TMTC1: variants seen among roughly 807,000 people sequenced by gnomAD.
The protein encoded by TMTC1 is transmembrane O-mannosyltransferase targeting cadherins 1, also known as protein O-mannosyl-transferase TMTC1.
Under a neutral mutation model 104.8 loss-of-function variants are expected in TMTC1, and 73 were observed. That is an observed-to-expected ratio of 0.70 (90% confidence interval 0.58 to 0.85). TMTC1 has a LOEUF of 0.85. Ranked by LOEUF, TMTC1 falls within the 40% of genes least tolerant of loss-of-function variation. TMTC1 has a pLI of 0.00. For synonymous variants in TMTC1, 434 were observed against 428.7 expected, an observed-to-expected ratio of 1.01 and a Z score of -0.15; for missense variants, 1,035 against 1,096.1, an observed-to-expected ratio of 0.94 and a Z score of 0.79.
chr12:29,763,905 A>G (rs759398196), intron 2 of TMTC1, among the ~76,000 whole-genome samples: 8 of 152,212 alleles, frequency 5.3e-5, no homozygotes, highest in Admixed American at 4.6e-4. Flanking sequence ...GATGAAGAGC[A>G]TGGAGTAAAT....
Position 29,686,253 on chromosome 12 carries a change from T to C in TMTC1, c.939-52917A>G, listed in dbSNP as rs145179621. ...TCTGCAGCTCTTCTGTGGCTTTTCT[T>C]CCATCTACCCCTAATACTGAAACTC... On this transcript the variant is annotated intron_variant, in intron 5 of 17. Coordinates refer to ENST00000539277, the MANE Select transcript of TMTC1 (RefSeq NM_001193451.2). 4.1e-3 allele frequency among the ~76,000 whole-genome samples: 623 copies of C among 152,312 alleles called. 5 individuals are homozygous for C. The highest frequency in any genetic ancestry group is 9.5e-3 in the South Asian group (46 of 4,826).
intron 5 of TMTC1, among the ~76,000 whole-genome samples, chr12:29,701,635 C>T (rs557284284): frequency 1.3e-5 from 2 of 152,320 alleles, no homozygotes; most frequent in South Asian, 2.1e-4. Context: ...TCTAATCCCA[C>T]CTTGTGTCAG....
At chr12:29,675,453 T>A (rs561560009) in intron 5 of TMTC1, among the ~76,000 whole-genome samples, 1 of 152,178 alleles carries the variant, frequency 6.6e-6, no homozygotes, top group African/African-American at 2.4e-5. Flanking sequence ...ACTGGGACAA[T>A]CCTGGAAAAA....
intron 1 of TMTC1, among the ~76,000 whole-genome samples, chr12:29,773,260 G>T (rs1417175484): frequency 1.3e-5 from 2 of 152,114 alleles, no homozygotes; most frequent in African/African-American, 4.8e-5. Context: ...AGGGTATGGG[G>T]TCACAAAATC....
At chr12:29,762,785 G>GTGA (rs1943382711) in intron 2 of TMTC1, among the ~76,000 whole-genome samples, 4 of 152,240 alleles carry the variant, frequency 2.6e-5, no homozygotes, top group Admixed American at 2.6e-4. Flanking sequence ...GACGAATGCA[G>GTGA]TGACAGTGTG....
chr12:29,743,991 T>C (rs1476094787), intron 5 of TMTC1, among the ~76,000 whole-genome samples: 4 of 152,132 alleles, frequency 2.6e-5, no homozygotes, highest in African/African-American at 9.7e-5. Flanking sequence ...TTCCATATGG[T>C]GTCTGCTGAG....
intron 1 of TMTC1, among the ~76,000 whole-genome samples, chr12:29,770,747 A>G (rs1943576705): frequency 6.6e-6 from 1 of 152,202 alleles, no homozygotes; most frequent in Non-Finnish European, 1.5e-5. Context: ...ATATCTAAAA[A>G]GATGGAGAGT....
At chr12:29,772,863 T>C (rs1943625808) in intron 1 of TMTC1, among the ~76,000 whole-genome samples, 1 of 152,174 alleles carries the variant, frequency 6.6e-6, no homozygotes, top group Admixed American at 6.5e-5. Flanking sequence ...TCATACACTA[T>C]AGGAAACTAA....
chr12:29,515,143 T>C (rs1163986035), intron 15 of TMTC1, among the ~76,000 whole-genome samples: 1 of 152,174 alleles, frequency 6.6e-6, no homozygotes, highest in Admixed American at 6.5e-5. Flanking sequence ...TTGATTACTT[T>C]ACAGGGAGGT....
At chr12:29,738,092 A>G (rs966983700) in intron 5 of TMTC1, among the ~76,000 whole-genome samples, 21 of 152,202 alleles carry the variant, frequency 1.4e-4, no homozygotes, top group African/African-American at 5.1e-4. Context: ...ACTGGGCCCC[A>G]TGCTAGAGTC....
chr12:29,639,645 T>C (rs1938737341), intron 5 of TMTC1, among the ~76,000 whole-genome samples: 1 of 152,196 alleles, frequency 6.6e-6, no homozygotes, highest in Non-Finnish European at 1.5e-5. Context: ...CCAACAGCAT[T>C]GGACACAAGT....
chr12:29,681,099 C>CAAA (rs71045827), intron 5 of TMTC1, among the ~76,000 whole-genome samples: 19 of 107,180 alleles, frequency 1.8e-4, no homozygotes, highest in African/African-American at 4.2e-4. Flanking sequence ...ACCCTGTCTC[C>CAAA]AAAAAAAAAA....
chr12:29,743,922 GT>G (rs1234255299), intron 5 of TMTC1, among the ~76,000 whole-genome samples: 2 of 152,200 alleles, frequency 1.3e-5, no homozygotes, highest in African/African-American at 4.8e-5. Context: ...GAAGAGAGCT[GT>G]TTTGTGGCCT....
At position 29,754,910 on chromosome 12, in the gene TMTC1, A is replaced by G. The variant is rs149770371; in HGVS notation, c.731+799T>C. On this transcript the variant is annotated intron_variant, in intron 4 of 17. Coordinates refer to ENST00000539277, the MANE Select transcript of TMTC1 (RefSeq NM_001193451.2). The stretch of plus-strand genomic sequence containing the variant: ...TAGGAAATGGGATTTAAAAAGCAGG[A>G]TTGTTTTTTCAGATAAAATTCTTCA... Among the ~76,000 whole-genome samples the G allele has an allele frequency of 2.6e-5, 4 of 152,304 alleles. No homozygotes were observed. In the East Asian group the frequency reaches 7.7e-4, roughly 29 times the overall value.
At chr12:29,728,354 C>T (rs1488544255) in intron 5 of TMTC1, among the ~76,000 whole-genome samples, 1 of 152,150 alleles carries the variant, frequency 6.6e-6, no homozygotes, top group Non-Finnish European at 1.5e-5. Context: ...ACCAGCTTCT[C>T]TCTCTGGAGC....
intron 5 of TMTC1, among the ~76,000 whole-genome samples, chr12:29,727,031 G>A (rs1942411848): frequency 1.3e-5 from 2 of 152,190 alleles, no homozygotes; most frequent in African/African-American, 4.8e-5. Flanking sequence ...TGATGAGGCT[G>A]AGAGCAACTT....
At chr12:29,578,433 T>C (rs1246415063) in intron 8 of TMTC1, among the ~76,000 whole-genome samples, 3 of 152,326 alleles carry the variant, frequency 2.0e-5, no homozygotes, top group African/African-American at 7.2e-5. Context: ...TTTGCTTTTT[T>C]GATGCTCCAA....
chr12:29,534,284 C>A (rs1944582723), intron 11 of TMTC1: 6 of 152,196 alleles, frequency 3.9e-5, no homozygotes. Flanking sequence ...GGAAGGCAGT[C>A]CTGAGTTATG....
intron 5 of TMTC1, among the ~76,000 whole-genome samples, chr12:29,662,416 C>T (rs1376774480): frequency 2.6e-5 from 4 of 152,038 alleles, no homozygotes; most frequent in Admixed American, 6.5e-5. Context: ...CTTTGGGAGG[C>T]GGAGGCAGGC....
Sources: gnomAD v4.1 joint callset for allele counts (sites outside exome capture counted in the v4.1 genomes callset) on GRCh38, gnomAD v4.1.1 for gene constraint, MANE v1.5 for transcripts, NCBI Gene and HGNC (gene_info 2026-07-23, HGNC 2026-07-21) for gene names.